Variants in PTPRD observed in about 807,000 individuals in gnomAD.
PTPRD encodes the protein receptor-type tyrosine-protein phosphatase delta.
PTPRD carries 34 observed loss-of-function variants against 214.5 expected under a neutral mutation model. That is an observed-to-expected ratio of 0.16 (90% CI 0.12 to 0.21). PTPRD has a LOEUF of 0.21. PTPRD is among the 10% of genes least tolerant of loss of function. The pLI is 1.00. For missense variants in PTPRD, 2,545 were observed against 2,398.7 expected, an observed-to-expected ratio of 1.06 and a Z score of -1.27; for synonymous variants, 1,128 against 845.7, an observed-to-expected ratio of 1.33 and a Z score of -5.79.
chr9:10,460,087 T>C (rs954793945), intron 2 of PTPRD, among the ~76,000 whole-genome samples: 15 of 152,180 alleles, frequency 9.9e-5, no homozygotes, highest in Non-Finnish European at 2.1e-4. Context: ...AGCATATCTA[T>C]ACACAAATAA....
intron 11 of PTPRD, among the ~76,000 whole-genome samples, chr9:8,922,558 A>G (rs2098834947): frequency 6.6e-6 from 1 of 152,188 alleles, no homozygotes. Context: ...ACTGCGTAGG[A>G]ACTGATTCAG....
At chr9:10,259,587 T>G (rs116693284) in intron 3 of PTPRD, among the ~76,000 whole-genome samples, 1,721 of 152,238 alleles carry the variant, frequency 0.011, 38 homozygotes, top group African/African-American at 0.039. Flanking sequence ...AAAGTGTCAG[T>G]GGTGATGATT....
At chr9:9,073,787 C>T (rs1368393073) in intron 10 of PTPRD, among the ~76,000 whole-genome samples, 3 of 151,990 alleles carry the variant, frequency 2.0e-5, no homozygotes, top group Non-Finnish European at 2.9e-5. Flanking sequence ...TCTGAAAAAC[C>T]CTGACTAATA....
chr9:8,847,754 A>T (rs1302712842), intron 11 of PTPRD, among the ~76,000 whole-genome samples: 1 of 152,190 alleles, frequency 6.6e-6, no homozygotes, highest in Non-Finnish European at 1.5e-5. Flanking sequence ...AAATAGGTTA[A>T]ATGGAAAAAA....
chr9:9,495,716 T>C (rs2096149683), intron 8 of PTPRD, among the ~76,000 whole-genome samples: 1 of 152,124 alleles, frequency 6.6e-6, no homozygotes, highest in Admixed American at 6.5e-5. Flanking sequence ...CCTTCAATTG[T>C]CCATGTGACC....
intron 5 of PTPRD, among the ~76,000 whole-genome samples, chr9:9,812,829 A>C (rs1447769821): frequency 6.6e-6 from 1 of 152,162 alleles, no homozygotes; most frequent in Admixed American, 6.5e-5. Context: ...AGCAGAAGAC[A>C]CATTCTTCTC....
chr9:9,866,047 T>C (rs1473370878), intron 5 of PTPRD, among the ~76,000 whole-genome samples: 2 of 152,204 alleles, frequency 1.3e-5, no homozygotes, highest in African/African-American at 4.8e-5. Flanking sequence ...CCTTCCTCTG[T>C]ACATATGCAC....
At chr9:9,366,132 T>C (rs1335615536) in intron 9 of PTPRD, among the ~76,000 whole-genome samples, 1 of 151,440 alleles carries the variant, frequency 6.6e-6, no homozygotes, top group East Asian at 1.9e-4. Context: ...AGATCATATA[T>C]GGAAGGAACT....
chr9:9,069,632 C>T (rs571276633), intron 10 of PTPRD, among the ~76,000 whole-genome samples: 1 of 152,270 alleles, frequency 6.6e-6, no homozygotes, highest in East Asian at 1.9e-4. Context: ...TTATTAAATG[C>T]CAATTATTTA....
chr9:9,469,719 G>T (rs2094462093), intron 8 of PTPRD, among the ~76,000 whole-genome samples: 2 of 152,136 alleles, frequency 1.3e-5, no homozygotes, highest in South Asian at 4.1e-4. Flanking sequence ...GTTTCTTCTT[G>T]AAGTTTTTAA....
chr9:8,354,249 A>C (rs1486330552), intron 39 of PTPRD, among the ~76,000 whole-genome samples: 1 of 151,984 alleles, frequency 6.6e-6, no homozygotes. Flanking sequence ...CATCAATGCA[A>C]AATGTAAAAT....
intron 11 of PTPRD, among the ~76,000 whole-genome samples, chr9:8,855,274 T>G (rs961537797): frequency 6.6e-6 from 1 of 152,128 alleles, no homozygotes; most frequent in East Asian, 1.9e-4. Context: ...AGTTCCAGAC[T>G]TTGAGATATT....
chr9:9,942,573 C>G (rs1003993709), intron 4 of PTPRD, among the ~76,000 whole-genome samples: 1 of 152,062 alleles, frequency 6.6e-6, no homozygotes, highest in Non-Finnish European at 1.5e-5. Flanking sequence ...GCCCAATTTC[C>G]TTCCTTGAGA....
chr9:8,551,083 G>T (rs2081973283), intron 14 of PTPRD, among the ~76,000 whole-genome samples: 1 of 152,078 alleles, frequency 6.6e-6, no homozygotes, highest in Non-Finnish European at 1.5e-5. Context: ...TATCACTTGG[G>T]GGTGGTTTTT....
At chr9:8,548,541 T>C (rs1379226543) in intron 14 of PTPRD, among the ~76,000 whole-genome samples, 1 of 151,390 alleles carries the variant, frequency 6.6e-6, no homozygotes, top group African/African-American at 2.4e-5. Context: ...CTAATTTTGG[T>C]ATTTTTAGTA....
chr9:9,827,659 G>C (rs1489638259), intron 5 of PTPRD, among the ~76,000 whole-genome samples: 2 of 152,074 alleles, frequency 1.3e-5, no homozygotes, highest in African/African-American at 4.8e-5. Flanking sequence ...TGATAAACGG[G>C]ATCTAATTAA....
intron 3 of PTPRD, among the ~76,000 whole-genome samples, chr9:10,043,673 G>C (rs1169280281): frequency 6.6e-6 from 1 of 151,732 alleles, no homozygotes; most frequent in African/African-American, 2.4e-5. Flanking sequence ...CACACCTAAA[G>C]ATCAAAATGA....
At chr9:8,534,207 T>C (rs764246375) in intron 14 of PTPRD, among the ~76,000 whole-genome samples, 6 of 151,962 alleles carry the variant, frequency 3.9e-5, no homozygotes, top group Admixed American at 6.6e-5. Flanking sequence ...CCCTCATATA[T>C]TGGTTTTCAG....
chr9:8,888,425 C>T (rs1306079928), intron 11 of PTPRD, among the ~76,000 whole-genome samples: 1 of 152,072 alleles, frequency 6.6e-6, no homozygotes, highest in African/African-American at 2.4e-5. Context: ...GGTAGATATG[C>T]TTTTCAGGCA....
Sources: gnomAD v4.1 joint callset for allele counts (sites outside exome capture counted in the v4.1 genomes callset) on GRCh38, gnomAD v4.1.1 for gene constraint, MANE v1.5 for transcripts, NCBI Gene and HGNC (gene_info 2026-07-23, HGNC 2026-07-21) for gene names.